Variants in IKZF4 observed in about 807,000 individuals in gnomAD.
IKZF4 encodes the protein IKAROS family zinc finger 4, also known as zinc finger protein Eos.
IKZF4 carries 11 observed loss-of-function variants against 47.7 expected under a neutral mutation model. The observed-to-expected ratio is 0.23, with a 90% CI of 0.15 to 0.38. The LOEUF (loss-of-function observed/expected upper bound fraction) is 0.38. IKZF4 is among the 10% of genes least tolerant of loss of function. The pLI, the probability that IKZF4 is intolerant of heterozygous loss-of-function variation, is 1.00. For missense variants in IKZF4, 557 were observed against 784.9 expected, an observed-to-expected ratio of 0.71 and a Z score of 3.47; for synonymous variants, 298 against 299.4, an observed-to-expected ratio of 1.00 and a Z score of 0.05.
chr12:56,025,238 C>A, intron 3 of IKZF4, 80 bp downstream of exon 3: 1 of 1,400,826 alleles, frequency 7.1e-7, no homozygotes, highest in Non-Finnish European at 9.5e-7. Context: ...CCACTGGCAA[C>A]CATTTCCCCA....
At chr12:56,032,343 C>A in intron 5 of IKZF4, 1 of 519,474 alleles carries the variant, frequency 1.9e-6, no homozygotes. Context: ...CCCTAGGATT[C>A]CCTTGCCCCC....
At chr12:56,019,822 TC>T (rs1892610354), upstream of IKZF4, among the ~76,000 whole-genome samples, 1 of 152,260 alleles carries the variant, frequency 6.6e-6, no homozygotes, top group South Asian at 2.1e-4. Context: ...AACCAAGTTT[TC>T]CCTGCTTTCA....
chr12:56,034,814 A>C lies in IKZF4; in HGVS notation c.1241A>C (p.Glu414Ala). 1 of 1,613,944 alleles carries C rather than the reference A, an allele frequency of 6.2e-7. No individual in the cohort carries two copies. The highest frequency in any genetic ancestry group is 1.3e-5 in the African/African-American group (1 of 75,042). The part of the protein sequence containing the change: ...TQMQPLPGRL[E>A]LPGSREAGEG... ...ATGCAGCCCCTCCCTGGTCGACTGG[A>C]GCTTCCAGGATCCCGAGAAGCAGGT... is the stretch of plus-strand genomic sequence containing the variant. The change falls in exon 8 of 8, where the codon GAG becomes GCG. Residue 414 changes from glutamate (E) to alanine (A), a missense_variant. Glu to Ala is a moderately radical substitution (Grantham distance 107). Transcript: ENST00000547167.
intron 2 of IKZF4, 83 bp downstream of exon 2, chr12:56,023,847 C>T: frequency 6.5e-7 from 1 of 1,545,488 alleles, no homozygotes; most frequent in South Asian, 1.2e-5. Flanking sequence ...CTCTCTCTTT[C>T]TTGCACTCTC....
intron 1 of IKZF4, among the ~76,000 whole-genome samples, chr12:56,007,915 T>C (rs1890902753): frequency 1.3e-5 from 2 of 149,154 alleles, no homozygotes; most frequent in South Asian, 4.3e-4. Context: ...CGGGGGAGTT[T>C]GGCCCGAGGC....
intron 2 of IKZF4, chr12:56,024,762 C>A: frequency 2.4e-6 from 3 of 1,266,126 alleles, no homozygotes; most frequent in Non-Finnish European, 3.0e-6. Flanking sequence ...TCCGCCCTGG[C>A]GCACCCAGCC....
upstream of IKZF4, among the ~76,000 whole-genome samples, chr12:56,016,825 C>T (rs1892144106): frequency 6.6e-6 from 1 of 151,966 alleles, no homozygotes; most frequent in African/African-American, 2.4e-5. Context: ...AACTCCTGAC[C>T]TGAGGTGATC....
At chr12:56,033,409 A>C in intron 7 of IKZF4, 88 bp downstream of exon 7, 1 of 1,555,258 alleles carries the variant, frequency 6.4e-7, no homozygotes, top group East Asian at 2.3e-5. Context: ...GGTTTGGGGA[A>C]AGAAAGCAGT....
At position 56,021,294 on chromosome 12, in the gene IKZF4, T is replaced by TCA. The variant is rs56857131; in HGVS notation, c.-178_-177dup. 21,237 of 1,099,818 alleles carry TCA rather than the reference T, an allele frequency of 0.019. 4 individuals carry two copies. The highest frequency in any genetic ancestry group is 0.023 in the East Asian group (827 of 35,316). The allele number at this position is 1,099,818 out of a possible 1,614,324, so 68.1% of individuals were successfully genotyped here. On this transcript the variant is annotated 5_prime_UTR_variant, in exon 1 of 8. Coordinates refer to ENST00000547167, the MANE Select transcript of IKZF4 (RefSeq NM_022465.4). ...CTCTCCCTCTCTCTCTCTCTCTCTC[T>TCA]CACACACACACACACACACACACTC...
chr12:56,027,924 C>T lies in IKZF4; in HGVS notation c.692C>T (p.Thr231Ile), dbSNP rs1287742548. The change falls in exon 5 of 8, where the codon ACT (threonine) becomes ATT (isoleucine). Residue 231 changes from threonine (T) to isoleucine (I), a missense_variant. Transcript: ENST00000547167. Reference sequence around the variant, plus strand: ...GCCTGCCGCCGGCGTGATGCACTCACTGGTCACCTCCGCACACACTCAGGT... The same window carrying T: ...GCCTGCCGCCGGCGTGATGCACTCATTGGTCACCTCCGCACACACTCAGGT... ...NYACRRRDAL[T>I]GHLRTHSVSS... is the part of the protein sequence containing the mutation. The T allele has an allele frequency of 6.3e-7, 1 of 1,578,766 alleles. No individual in the cohort carries two copies. The highest frequency in any genetic ancestry group is 1.2e-5 in the South Asian group (1 of 82,848).
upstream of IKZF4, among the ~76,000 whole-genome samples, chr12:56,017,203 C>A (rs1258218673): frequency 1.3e-5 from 2 of 151,348 alleles, no homozygotes; most frequent in Non-Finnish European, 2.9e-5. Flanking sequence ...TAGACATTAA[C>A]CTTCATTTTA....
At chr12:56,026,523 GT>G (rs1406573093) in intron 3 of IKZF4, among the ~76,000 whole-genome samples, 1 of 151,670 alleles carries the variant, frequency 6.6e-6, no homozygotes, top group Non-Finnish European at 1.5e-5. Context: ...AACCCTGTCT[GT>G]TCTAAAAATA....
At chr12:56,015,631 G>T (rs1891941739) in intron 2 of IKZF4, among the ~76,000 whole-genome samples, 2 of 152,084 alleles carry the variant, frequency 1.3e-5, no homozygotes, top group Admixed American at 1.3e-4. Context: ...CCTGACCTCA[G>T]GTGATCCACC....
At chr12:56,034,203 G>T (rs984961809) in intron 7 of IKZF4, among the ~76,000 whole-genome samples, 2 of 152,132 alleles carry the variant, frequency 1.3e-5, no homozygotes, top group Non-Finnish European at 2.9e-5. Flanking sequence ...GCCCGGCCCG[G>T]GCTATCTCAG....
chr12:56,013,658 C>G (rs535315441), intron 2 of IKZF4, among the ~76,000 whole-genome samples: 1 of 152,246 alleles, frequency 6.6e-6, no homozygotes, highest in Non-Finnish European at 1.5e-5. Context: ...CTAAGATCTG[C>G]CTGGCTGGTT....
chr12:56,035,253 C>T lies in IKZF4; in HGVS notation c.1680C>T (p.Cys560=). The change falls in exon 8 of 8, where the codon TGC becomes TGT. Residue 560 remains cysteine, a synonymous_variant. Coordinates refer to ENST00000547167, the MANE Select transcript of IKZF4 (RefSeq NM_022465.4). The surrounding 1 kb of genome is among the most constrained non-coding windows in gnomAD (Gnocchi z 6.1). The part of the protein sequence containing the change: ...GCHGFRDPFE[C]NICGYHSQDR... Reference sequence around the variant, plus strand: ...ATGGCTTCAGAGACCCTTTTGAGTGCAACATCTGTGGTTATCACAGCCAGG... The same window carrying T: ...ATGGCTTCAGAGACCCTTTTGAGTGTAACATCTGTGGTTATCACAGCCAGG... 6.2e-7 allele frequency: 1 copy of T among 1,614,130 alleles called. No individual in the cohort carries two copies.
chr12:56,036,808 T>G lies in IKZF4; in HGVS notation c.*1477T>G, dbSNP rs1398194145. On this transcript the variant is annotated 3_prime_UTR_variant, in exon 8 of 8. Transcript: ENST00000547167. ...GAAGGAGATACAACTCCACTGCAAG[T>G]GGAGGTTTCTTTCTACAAGAGTTTT... 1 of 152,328 alleles carries G rather than the reference T, an allele frequency of 6.6e-6. No homozygotes were observed. Among genetic ancestry groups the G allele is most frequent in the African/African-American group, 2.4e-5 (1 of 41,394 alleles). 9.4% of individuals were successfully genotyped at this position (152,328 alleles called of 1,614,324 possible).
intron 3 of IKZF4, among the ~76,000 whole-genome samples, chr12:56,026,555 G>A (rs1238533919): frequency 1.3e-5 from 2 of 151,902 alleles, no homozygotes; most frequent in Non-Finnish European, 2.9e-5. Flanking sequence ...TGGGTGTGAT[G>A]GTACATGCCT....
At chr12:56,025,469 G>A (rs1893804623) in intron 3 of IKZF4, among the ~76,000 whole-genome samples, 1 of 152,164 alleles carries the variant, frequency 6.6e-6, no homozygotes, top group Non-Finnish European at 1.5e-5. Context: ...GAGTTAGATA[G>A]GAAATAGAGA....
Sources: allele counts gnomAD v4.1 joint callset (sites outside exome capture counted in the v4.1 genomes callset), GRCh38; gene constraint gnomAD v4.1.1; non-coding constraint Gnocchi (gnomAD v3.1); transcripts MANE v1.5; gene names NCBI Gene and HGNC (gene_info 2026-07-23, HGNC 2026-07-21).